RANGAP1: variants seen among roughly 807,000 people sequenced by gnomAD.
RANGAP1 encodes Ran GTPase activating protein 1.
RANGAP1 carries 38 observed loss-of-function variants against 63.5 expected under a neutral mutation model. The observed-to-expected ratio is 0.60, with a 90% CI of 0.46 to 0.78. The LOEUF is 0.78. Ranked by LOEUF, RANGAP1 falls within the 30% of genes least tolerant of loss-of-function variation. RANGAP1 has a pLI of 0.00. For synonymous variants in RANGAP1, 329 were observed against 310.5 expected (o/e 1.06, Z -0.63); for missense variants, 630 against 740.3 (o/e 0.85, Z 1.73).
intron 2 of RANGAP1, among the ~76,000 whole-genome samples, chr22:41,275,504 G>C (rs2035083317): frequency 6.7e-6 from 1 of 150,202 alleles, no homozygotes; most frequent in African/African-American, 2.5e-5. Context: ...AAAAAAGTCA[G>C]GCATGGTGGC....
upstream of RANGAP1, among the ~76,000 whole-genome samples, chr22:41,287,198 G>C (rs1266379674): frequency 6.6e-6 from 1 of 152,182 alleles, no homozygotes. Context: ...AGGACATGAT[G>C]TCTGCAACCT....
rs2033826019 is a variant in RANGAP1 at position 41,256,252 on chromosome 22, A to G, written c.927T>C (p.Ala309=). 3 of 1,614,060 alleles carry G rather than the reference A, an allele frequency of 1.9e-6. No individual in the cohort carries two copies. Among genetic ancestry groups the G allele is most frequent in the South Asian group, 1.1e-5 (1 of 91,084 alleles). The change falls in exon 9 of 16, where the codon GCT becomes GCC. Residue 309 remains alanine, a synonymous_variant. Transcript: ENST00000356244. The stretch of plus-strand genomic sequence containing the variant: ...CCATGGCCTCAGCAACAGCCAGGGC[A>G]GCATCCCTCTTGATTTCACAGAATG... ...NLSFCEIKRD[A]ALAVAEAMAD... is the part of the protein sequence containing the mutation.
At chr22:41,275,009 GGT>G (rs2035054379) in intron 2 of RANGAP1, among the ~76,000 whole-genome samples, 1 of 151,998 alleles carries the variant, frequency 6.6e-6, no homozygotes, top group African/African-American at 2.4e-5. Context: ...CCAAGTAGGT[GGT>G]GTGTGTGGAG....
chr22:41,294,030 CTCTCCTTCTCCCTCTCCCTCTCCCCACGG>C, the RANGAP1 span, among the ~76,000 whole-genome samples: 1 of 119,522 alleles, frequency 8.4e-6, no homozygotes, highest in Non-Finnish European at 1.8e-5. Flanking sequence ...ACTCCTCTCC[CTCTCCTTCTCCCTCTCCCTCTCCCCACGG>C]TCTCCCTCTC....
At chr22:41,247,423 C>T (rs530417171) in intron 15 of RANGAP1, among the ~76,000 whole-genome samples, 117 of 152,190 alleles carry the variant, frequency 7.7e-4, no homozygotes, top group African/African-American at 2.8e-3. Flanking sequence ...GGAATCATGG[C>T]TCCCTGCATC....
chr22:41,291,850 G>A, the RANGAP1 span, among the ~76,000 whole-genome samples: 2 of 151,476 alleles, frequency 1.3e-5, no homozygotes, highest in African/African-American at 2.4e-5. Flanking sequence ...GCAGTGAGCC[G>A]AGATCGCGCC....
chr22:41,271,222 A>G (rs2034798075), intron 3 of RANGAP1, among the ~76,000 whole-genome samples: 2 of 150,222 alleles, frequency 1.3e-5, no homozygotes, highest in Non-Finnish European at 3.0e-5. Context: ...AGACCCCATC[A>G]TTAAAAAAAA....
the RANGAP1 span, among the ~76,000 whole-genome samples, chr22:41,297,449 C>T: frequency 6.6e-6 from 1 of 151,986 alleles, no homozygotes; most frequent in Admixed American, 6.6e-5. Flanking sequence ...ATCTGGGCAC[C>T]CTGTGGCCCA....
chr22:41,261,644 C>T, intron 5 of RANGAP1, 64 bp from the exon 6 acceptor site: 1 of 1,606,098 alleles, frequency 6.2e-7, no homozygotes, highest in Non-Finnish European at 8.5e-7. Flanking sequence ...GGGGTGGCCA[C>T]TGCTGCTGAA....
intron 5 of RANGAP1, 137 bp downstream of exon 5, chr22:41,264,527 T>G: frequency 4.4e-6 from 5 of 1,128,828 alleles, no homozygotes; most frequent in Non-Finnish European, 6.1e-6. Flanking sequence ...GGCCACAGGC[T>G]GTTGCCTTTG....
At chr22:41,295,288 C>T in the RANGAP1 span, among the ~76,000 whole-genome samples, 1 of 151,616 alleles carries the variant, frequency 6.6e-6, no homozygotes, top group East Asian at 1.9e-4. Flanking sequence ...ATTGAGAAAT[C>T]GGATGGTTGC....
At chr22:41,279,787 G>A (rs1419919037) in intron 2 of RANGAP1, among the ~76,000 whole-genome samples, 4 of 136,372 alleles carry the variant, frequency 2.9e-5, no homozygotes, top group African/African-American at 1.1e-4. Context: ...GGGTGGCAGA[G>A]TGAGACTCAT....
At chr22:41,267,454 C>G (rs187582070) in intron 4 of RANGAP1, among the ~76,000 whole-genome samples, 2 of 152,206 alleles carry the variant, frequency 1.3e-5, no homozygotes, top group Admixed American at 1.3e-4. Flanking sequence ...TGTGCAGCCC[C>G]GTGCCAGGAG....
chr22:41,271,521 C>T (rs1251551039), intron 3 of RANGAP1, among the ~76,000 whole-genome samples: 1 of 151,958 alleles, frequency 6.6e-6, no homozygotes, highest in Non-Finnish European at 1.5e-5. Flanking sequence ...ATGGTGAAAC[C>T]CGTCTCTACT....
chr22:41,250,734 A>G (rs11703267), intron 13 of RANGAP1, among the ~76,000 whole-genome samples: 59,161 of 151,834 alleles, frequency 0.39, 12,266 homozygotes, highest in Non-Finnish European at 0.46. Context: ...TGCAGATGTG[A>G]CTATCTGGAC....
At chr22:41,269,841 T>C (rs1213289922) in intron 3 of RANGAP1, among the ~76,000 whole-genome samples, 1 of 152,094 alleles carries the variant, frequency 6.6e-6, no homozygotes, top group Non-Finnish European at 1.5e-5. Flanking sequence ...ATTTAATTTA[T>C]TTATTTTTGA....
At chr22:41,260,566 G>A (rs572408345) in intron 6 of RANGAP1, among the ~76,000 whole-genome samples, 237 of 152,294 alleles carry the variant, frequency 1.6e-3, no homozygotes, top group African/African-American at 5.5e-3. Flanking sequence ...AGAGAAGAGG[G>A]GCCGGACGTG....
chr22:41,253,068 C>A (rs970974718), intron 11 of RANGAP1, 77 bp from the exon 12 acceptor site: 1 of 1,307,136 alleles, frequency 7.7e-7, no homozygotes, highest in Non-Finnish European at 9.9e-7. Flanking sequence ...CATCCCCACA[C>A]CCAGCACATC....
At chr22:41,275,710 C>T (rs763044086) in intron 2 of RANGAP1, among the ~76,000 whole-genome samples, 3 of 148,150 alleles carry the variant, frequency 2.0e-5, no homozygotes, top group Non-Finnish European at 4.5e-5. Flanking sequence ...ACCTGGGAGG[C>T]GGAAGTTGTA....
Sources: gnomAD v4.1 joint callset for allele counts (sites outside exome capture counted in the v4.1 genomes callset) on GRCh38, gnomAD v4.1.1 for gene constraint, MANE v1.5 for transcripts, NCBI Gene and HGNC (gene_info 2026-07-23, HGNC 2026-07-21) for gene names.